The following PGBD5 variants were observed in gnomAD, a reference collection of about 807,000 sequenced individuals.
PGBD5 encodes the protein piggyBac transposable element derived 5.
A neutral mutation model predicts 47.9 loss-of-function variants in PGBD5; 14 were observed. That is an observed-to-expected ratio of 0.29 (90% confidence interval 0.19 to 0.46). The LOEUF (loss-of-function observed/expected upper bound fraction) is 0.46. PGBD5 is among the 20% of genes least tolerant of loss of function. PGBD5 has a pLI of 1.00. For missense variants in PGBD5, 635 were observed against 716.0 expected (o/e 0.89, Z 1.29); for synonymous variants, 316 against 306.3 (o/e 1.03, Z -0.33).
intron 1 of PGBD5, among the ~76,000 whole-genome samples, chr1:230,360,335 G>T (rs1177203759): frequency 6.8e-6 from 1 of 147,624 alleles, no homozygotes; most frequent in Non-Finnish European, 1.5e-5. Flanking sequence ...TGGGATTTGA[G>T]AAGTCCTGGC....
At chr1:230,415,183 G>A (rs976818101) in intron 1 of PGBD5, among the ~76,000 whole-genome samples, 6 of 152,074 alleles carry the variant, frequency 3.9e-5, no homozygotes, top group Non-Finnish European at 5.9e-5. Flanking sequence ...ACTGAGGTGG[G>A]AGGACTGCTT....
chr1:230,398,765 G>T (rs1050574150), intron 1 of PGBD5, among the ~76,000 whole-genome samples: 2 of 152,198 alleles, frequency 1.3e-5, no homozygotes, highest in Non-Finnish European at 2.9e-5. Flanking sequence ...TTTTTAGGGG[G>T]TGAAGATCTC....
intron 1 of PGBD5, among the ~76,000 whole-genome samples, chr1:230,388,827 G>A (rs551723972): frequency 6.6e-6 from 1 of 152,320 alleles, no homozygotes; most frequent in East Asian, 1.9e-4. Flanking sequence ...TGACCCCCCT[G>A]GAAAGAAAAG....
At chr1:230,344,416 T>C (rs2102696365) in intron 3 of PGBD5, among the ~76,000 whole-genome samples, 1 of 152,370 alleles carries the variant, frequency 6.6e-6, no homozygotes, top group South Asian at 2.1e-4. Context: ...CAAGAAACAG[T>C]GGCGGTGACA....
In PGBD5 at chr1:230,333,047, G is replaced by T. The variant is rs776448764; in HGVS notation, c.1076-6C>A. The T allele has an allele frequency of 1.3e-6, 2 of 1,584,172 alleles. No individual in the cohort carries two copies. Among genetic ancestry groups the T allele is most frequent in the Admixed American group, 1.9e-5 (1 of 53,430 alleles). On this transcript the variant is annotated splice_polypyrimidine_tract_variant and splice_region_variant and intron_variant, in intron 4 of 6. Coordinates refer to ENST00000391860, the MANE Select transcript of PGBD5 (RefSeq NM_001258311.2). The stretch of plus-strand genomic sequence containing the variant: ...CAAGCCGCAGCAGTAAATCCCTGAG[G>T]GGAGAGGGAGGAAGGATCGCACACT...
At chr1:230,383,153 T>C (rs1282193067) in intron 1 of PGBD5, among the ~76,000 whole-genome samples, 1 of 152,100 alleles carries the variant, frequency 6.6e-6, no homozygotes, top group Non-Finnish European at 1.5e-5. Context: ...CACTGTAACC[T>C]TGACCTCACA....
intron 1 of PGBD5, among the ~76,000 whole-genome samples, chr1:230,392,927 C>T (rs1024812079): frequency 6.7e-6 from 1 of 150,314 alleles, no homozygotes; most frequent in African/African-American, 2.5e-5. Flanking sequence ...ACCCCAGCTG[C>T]AAGAGAAGAG....
At chr1:230,404,977 GT>G (rs201730767) in intron 1 of PGBD5, among the ~76,000 whole-genome samples, 3,583 of 129,928 alleles carry the variant, frequency 0.028, 153 homozygotes, top group African/African-American at 0.091. Flanking sequence ...CAGCTATCAA[GT>G]TTTTTTTTTT....
chr1:230,332,983 C>G lies in PGBD5; in HGVS notation c.1134G>C (p.Leu378=), dbSNP rs1295273202. The G allele has an allele frequency of 1.2e-6, 2 of 1,613,662 alleles. No individual in the cohort carries two copies. The highest frequency in any genetic ancestry group is 2.2e-5 in the East Asian group (1 of 44,852). ...GTGTGGCTGGGTTGGTCAGCATGGA[C>G]AGTGGGAGGCCGGTGCAGTCACTCT... is the stretch of plus-strand genomic sequence containing the variant. The part of the protein sequence containing the change: ...ARKSDCTGLP[L]SMLTNPATPP... Residue 378 remains leucine, a synonymous_variant, in exon 5 of 7, where the codon CTG becomes CTC. Transcript: ENST00000391860.
chr1:230,374,151 G>A (rs1429440003), intron 1 of PGBD5, among the ~76,000 whole-genome samples: 3 of 152,180 alleles, frequency 2.0e-5, no homozygotes, highest in African/African-American at 7.2e-5. Context: ...AGGCAGGGTG[G>A]CTCATGCCTG....
chr1:230,335,724 GAC>G (rs1252898416), intron 4 of PGBD5, among the ~76,000 whole-genome samples: 21 of 106 alleles, frequency 0.2, 1 homozygote, highest in Admixed American at 0.25. Context: ...TACACATACA[GAC>G]ACACACAGAC....
At chr1:230,339,371 C>G (rs1049546107) in intron 3 of PGBD5, among the ~76,000 whole-genome samples, 1 of 152,132 alleles carries the variant, frequency 6.6e-6, no homozygotes, top group East Asian at 1.9e-4. Flanking sequence ...GGTATAAATA[C>G]GCATAAACTT....
At chr1:230,374,225 T>C (rs1049015681) in intron 1 of PGBD5, among the ~76,000 whole-genome samples, 3 of 152,114 alleles carry the variant, frequency 2.0e-5, no homozygotes. Context: ...GAGACCAGCC[T>C]GACCAACACG....
intron 3 of PGBD5, among the ~76,000 whole-genome samples, chr1:230,340,574 T>C (rs994821606): frequency 3.3e-5 from 5 of 152,142 alleles, no homozygotes; most frequent in African/African-American, 7.2e-5. Flanking sequence ...ATGCTAAATA[T>C]GTAATACAAC....
chr1:230,327,837 C>T (rs140408373), intron 5 of PGBD5, among the ~76,000 whole-genome samples: 9 of 152,342 alleles, frequency 5.9e-5, no homozygotes, highest in Non-Finnish European at 1.3e-4. Flanking sequence ...CCTCCAAGAC[C>T]GAGTAGGAGT....
At chr1:230,401,843 A>G (rs11122505) in intron 1 of PGBD5, among the ~76,000 whole-genome samples, 32,066 of 151,814 alleles carry the variant, frequency 0.21, 3,889 homozygotes, top group Admixed American at 0.37. Context: ...CATACGACAC[A>G]CCTCCTGGCA....
In PGBD5 at chr1:230,426,242, G is replaced by A. The variant is rs2102759753; in HGVS notation, c.-314C>T. 1 of 150,542 alleles carries A rather than the reference G, an allele frequency of 6.6e-6. No individual in the cohort carries two copies. The highest frequency in any genetic ancestry group is 1.5e-5 in the Non-Finnish European group (1 of 68,860). 9.3% of individuals were successfully genotyped at this position (150,542 alleles called of 1,614,324 possible). On this transcript the variant is annotated 5_prime_UTR_variant, in exon 1 of 7. Transcript: ENST00000391860. ...ACCAGGCGCCGCCGCCGCCACCGCC[G>A]CCACCACCGCCACCACCGCCGCCGC...
intron 1 of PGBD5, among the ~76,000 whole-genome samples, chr1:230,404,629 A>C: frequency 9.2e-6 from 1 of 108,472 alleles, no homozygotes; most frequent in East Asian, 3.0e-4. Flanking sequence ...AAAAAAAAAA[A>C]ATATATATAT....
intron 1 of PGBD5, among the ~76,000 whole-genome samples, chr1:230,374,062 T>G (rs983238954): frequency 6.6e-6 from 1 of 152,188 alleles, no homozygotes; most frequent in South Asian, 2.1e-4. Context: ...AAGTCTGGAA[T>G]ATTCATGATA....
Sources: allele counts gnomAD v4.1 joint callset (sites outside exome capture counted in the v4.1 genomes callset), GRCh38; gene constraint gnomAD v4.1.1; transcripts MANE v1.5; gene names NCBI Gene and HGNC (gene_info 2026-07-23, HGNC 2026-07-21).